The following OPCML variants were observed in gnomAD, a reference collection of about 807,000 sequenced individuals.
OPCML encodes opioid binding protein/cell adhesion molecule like.
Under a neutral mutation model 37.8 loss-of-function variants are expected in OPCML, and 13 were observed. The observed-to-expected ratio is 0.34, with a 90% CI of 0.22 to 0.55. The LOEUF (loss-of-function observed/expected upper bound fraction) is 0.55, where lower values mean the gene tolerates loss of function less well. OPCML is among the 20% of genes least tolerant of loss of function. The probability of loss-of-function intolerance (pLI) is 0.91; values close to 1 mark genes in which losing one functional copy is unlikely to be tolerated. For synonymous variants in OPCML, 176 were observed against 168.8 expected, an observed-to-expected ratio of 1.04 and a Z score of -0.33; for missense variants, 341 against 435.6, an observed-to-expected ratio of 0.78 and a Z score of 1.93.
At position 133,141,045 on chromosome 11, in the gene OPCML, CGACGAA is replaced by C. The variant is rs1471953589; in HGVS notation, c.62-198041_62-198036del. The stretch of plus-strand genomic sequence containing the variant: ...ACGACGACGACGACGACGACGACGA[CGACGAA>C]GAAGAAGAAGAAGAAGAAGAAGAAG... On this transcript the variant is annotated intron_variant, in intron 1 of 7. Transcript: ENST00000524381. 1.8e-3 allele frequency among the ~76,000 whole-genome samples: 6 copies of C among 3,362 alleles called. 2 individuals carry two copies. Among genetic ancestry groups the C allele is most frequent in the Non-Finnish European group, 4.6e-3 (3 of 658 alleles). The allele number at this position is 3,362 out of a possible 152,430, so 2.2% of individuals were successfully genotyped here.
At chr11:133,047,969 A>G (rs923037521) in intron 1 of OPCML, among the ~76,000 whole-genome samples, 3 of 152,068 alleles carry the variant, frequency 2.0e-5, no homozygotes, top group Admixed American at 6.5e-5. Flanking sequence ...TTTCTGCCCT[A>G]TTTGTCCTTG....
intron 3 of OPCML, among the ~76,000 whole-genome samples, chr11:132,593,842 G>C (rs1285319206): frequency 1.3e-5 from 2 of 152,140 alleles, no homozygotes; most frequent in Non-Finnish European, 2.9e-5. Flanking sequence ...AATTCTAGGA[G>C]AAAGAATTAT....
chr11:133,366,883 G>A (rs1277239336), intron 1 of OPCML, among the ~76,000 whole-genome samples: 2 of 152,160 alleles, frequency 1.3e-5, no homozygotes, highest in African/African-American at 2.4e-5. Flanking sequence ...CCAATAGAAG[G>A]CACAGAGGAG....
rs557855831 is a variant in OPCML at position 132,568,044 on chromosome 11, G to A, written c.380-38858C>T. ...TAGATCTGTGTGTGTGTGTGTGTGC[G>A]CGCGCGCGCGTGTGTGTGTGTGTGT... On this transcript the variant is annotated intron_variant, in intron 3 of 7. Transcript: ENST00000524381. Among the ~76,000 whole-genome samples the A allele has an allele frequency of 1.6e-3, 185 of 112,710 alleles. 1 individual carries two copies. Among genetic ancestry groups the A allele is most frequent in the South Asian group, 0.016 (47 of 2,976 alleles). 73.9% of individuals were successfully genotyped at this position (112,710 alleles called of 152,430 possible).
intron 1 of OPCML, among the ~76,000 whole-genome samples, chr11:133,157,194 A>G (rs1189744033): frequency 6.6e-6 from 1 of 152,236 alleles, no homozygotes; most frequent in African/African-American, 2.4e-5. Flanking sequence ...CGGCGCGCAC[A>G]CGGTGTACTG....
chr11:132,588,360 C>G (rs761660980), intron 3 of OPCML, among the ~76,000 whole-genome samples: 2 of 152,134 alleles, frequency 1.3e-5, no homozygotes. Context: ...GTGTCTAGAC[C>G]AGCAGAGATG....
At chr11:132,944,237 T>A (rs2136681725) in intron 1 of OPCML, among the ~76,000 whole-genome samples, 1 of 152,208 alleles carries the variant, frequency 6.6e-6, no homozygotes, top group East Asian at 1.9e-4. Context: ...GAGGGAGTTC[T>A]GGGGAAAGCA....
At chr11:133,030,845 A>G (rs1447620285) in intron 1 of OPCML, among the ~76,000 whole-genome samples, 1 of 152,258 alleles carries the variant, frequency 6.6e-6, no homozygotes, top group East Asian at 1.9e-4. Flanking sequence ...AGGGGAATCC[A>G]AGCATTCCAT....
rs749913577 is a variant in OPCML at position 132,657,166 on chromosome 11, C to A, written c.300G>T (p.Val100=). ...QYSIMIQNVD[V]YDEGPYTCSV... ...AGCAGGTGTACGGACCTTCGTCATA[C>A]ACATCCACATTTTGGATCATGATGC... The change falls in exon 3 of 8, where the codon GTG becomes GTT. Residue 100 remains valine (V), a synonymous_variant. Transcript: ENST00000524381. 6.2e-6 allele frequency: 10 copies of A among 1,614,216 alleles called. No individual in the cohort carries two copies. Among genetic ancestry groups the A allele is most frequent in the Non-Finnish European group, 8.5e-6 (10 of 1,180,048 alleles).
chr11:132,750,385 C>A (rs1396951131), intron 2 of OPCML, among the ~76,000 whole-genome samples: 3 of 152,100 alleles, frequency 2.0e-5, no homozygotes, highest in Non-Finnish European at 4.4e-5. Context: ...AAGGGACAAC[C>A]ACAGGAGGCA....
intron 3 of OPCML, among the ~76,000 whole-genome samples, chr11:132,561,632 C>A (rs1004592419): frequency 2.0e-5 from 3 of 152,186 alleles, no homozygotes; most frequent in Non-Finnish European, 4.4e-5. Context: ...CTGCTCCAAT[C>A]CACTGTGAAA....
intron 2 of OPCML, among the ~76,000 whole-genome samples, chr11:132,765,473 C>T (rs554178497): frequency 6.6e-6 from 1 of 152,140 alleles, no homozygotes; most frequent in Non-Finnish European, 1.5e-5. Context: ...ATGTAAATAC[C>T]GATGGCACGG....
intron 1 of OPCML, among the ~76,000 whole-genome samples, chr11:133,002,024 C>T (rs1024404799): frequency 6.6e-6 from 1 of 152,112 alleles, no homozygotes; most frequent in African/African-American, 2.4e-5. Flanking sequence ...AAAACAAACA[C>T]AAGTGGTTTG....
intron 1 of OPCML, among the ~76,000 whole-genome samples, chr11:133,321,513 T>G (rs973275511): frequency 2.6e-5 from 4 of 152,238 alleles, no homozygotes; most frequent in African/African-American, 9.6e-5. Context: ...GGCCTAAATA[T>G]TTCCTCTTCT....
At chr11:133,020,974 T>A (rs1334328707) in intron 1 of OPCML, among the ~76,000 whole-genome samples, 1 of 152,190 alleles carries the variant, frequency 6.6e-6, no homozygotes, top group Non-Finnish European at 1.5e-5. Context: ...GATCAATGCA[T>A]ATGACAAGAC....
At chr11:133,498,829 G>A (rs986330122) in intron 1 of OPCML, among the ~76,000 whole-genome samples, 2 of 152,174 alleles carry the variant, frequency 1.3e-5, no homozygotes, top group Non-Finnish European at 2.9e-5. Flanking sequence ...GTGATCTGTG[G>A]TCACTTTAGA....
At chr11:133,441,149 T>C (rs1946358170) in intron 1 of OPCML, among the ~76,000 whole-genome samples, 1 of 151,970 alleles carries the variant, frequency 6.6e-6, no homozygotes, top group East Asian at 1.9e-4. Context: ...TAAACTAGAA[T>C]TTGTAATTAA....
At chr11:132,532,949 C>G (rs1282499710) in intron 3 of OPCML, among the ~76,000 whole-genome samples, 1 of 152,176 alleles carries the variant, frequency 6.6e-6, no homozygotes, top group Non-Finnish European at 1.5e-5. Flanking sequence ...TTGGGGATAG[C>G]TTTTAAGTGC....
At chr11:133,503,524 G>A (rs1260152200) in intron 1 of OPCML, among the ~76,000 whole-genome samples, 2 of 152,146 alleles carry the variant, frequency 1.3e-5, no homozygotes, top group Non-Finnish European at 2.9e-5. Flanking sequence ...GTGTGCAACT[G>A]GCAACACCTT....
Sources: gnomAD v4.1 joint callset for allele counts (sites outside exome capture counted in the v4.1 genomes callset) on GRCh38, gnomAD v4.1.1 for gene constraint, MANE v1.5 for transcripts, NCBI Gene and HGNC (gene_info 2026-07-23, HGNC 2026-07-21) for gene names.